The following MED14 variants were observed in gnomAD, a reference collection of about 807,000 sequenced individuals.
The protein encoded by MED14 is mediator of RNA polymerase II transcription subunit 14.
MED14 carries 8 observed loss-of-function variants against 109.0 expected under a neutral mutation model. The ratio of observed to expected loss-of-function variants is 0.07; its 90% CI spans 0.04 to 0.13. The LOEUF (loss-of-function observed/expected upper bound fraction) is 0.13, where lower values mean the gene tolerates loss of function less well. Among genes scored for constraint, MED14 ranks in the 10% least tolerant of loss-of-function variants. The pLI, the probability that MED14 is intolerant of heterozygous loss-of-function variation, is 1.00. For synonymous variants in MED14, 399 were observed against 408.7 expected, an observed-to-expected ratio of 0.98 and a Z score of 0.29; for missense variants, 711 against 1,142.4, an observed-to-expected ratio of 0.62 and a Z score of 5.44.
chrX:40,664,443 T>C lies in MED14; in HGVS notation c.3312A>G (p.Gly1104=). 1 of 1,182,302 alleles carries C rather than the reference T, an allele frequency of 8.5e-7. No homozygotes were observed. Among genetic ancestry groups the C allele is most frequent in the Non-Finnish European group, 1.1e-6 (1 of 881,161 alleles). ...GAGATCCTGGCCAGTTCCCTGCTCG[T>C]CCACTTGGTGACACCATAGTGTATG... ...SSPYTMVSPS[G]RAGNWPGSPQ... Residue 1104 remains glycine (G), a synonymous_variant, in exon 25 of 31, where the codon GGA becomes GGG. Coordinates refer to ENST00000324817, the MANE Select transcript of MED14 (RefSeq NM_004229.4).
At chrX:40,726,633 T>C in intron 3 of MED14, 113 bp downstream of exon 3, 1 of 542,079 alleles carries the variant, frequency 1.8e-6, no homozygotes, top group Non-Finnish European at 3.0e-6. Context: ...AATATGATTA[T>C]TCACATGTCA....
At chrX:40,716,936 C>T (rs921000658) in intron 3 of MED14, among the ~76,000 whole-genome samples, 1 of 111,751 alleles carries the variant, frequency 8.9e-6, no homozygotes, top group East Asian at 2.8e-4. Flanking sequence ...CACATTCTCT[C>T]TCCTATGTGG....
intron 11 of MED14, among the ~76,000 whole-genome samples, chrX:40,701,741 CA>C (rs1357486832): frequency 9.0e-6 from 1 of 111,476 alleles, no homozygotes; most frequent in Non-Finnish European, 1.9e-5. Context: ...TTTTTAATGA[CA>C]CTAGAAAATG....
intron 15 of MED14, among the ~76,000 whole-genome samples, chrX:40,688,949 A>G (rs761265902): frequency 8.9e-6 from 1 of 112,488 alleles, no homozygotes; most frequent in East Asian, 2.8e-4. Flanking sequence ...TTTAGTTTAC[A>G]ACATTTCTGA....
chrX:40,678,258 A>G (rs1451762084), intron 21 of MED14, among the ~76,000 whole-genome samples: 1 of 111,858 alleles, frequency 8.9e-6, no homozygotes, highest in Non-Finnish European at 1.9e-5. Flanking sequence ...CCTATTGAAG[A>G]GATTTCTTCA....
At chrX:40,701,977 G>T (rs1283895151) in intron 11 of MED14, among the ~76,000 whole-genome samples, 1 of 111,280 alleles carries the variant, frequency 9.0e-6, no homozygotes, top group Non-Finnish European at 1.9e-5. Flanking sequence ...CTTCATGAAG[G>T]GATCAGTAGC....
intron 12 of MED14, among the ~76,000 whole-genome samples, chrX:40,699,455 G>GA (rs1930841985): frequency 8.9e-6 from 1 of 112,036 alleles, no homozygotes; most frequent in Admixed American, 9.5e-5. Flanking sequence ...TGATAGATTA[G>GA]TGATAAACTG....
intron 21 of MED14, among the ~76,000 whole-genome samples, chrX:40,675,806 T>C (rs891712016): frequency 8.9e-6 from 1 of 112,349 alleles, no homozygotes; most frequent in East Asian, 2.8e-4. Flanking sequence ...AATTTTTTCC[T>C]TTTTTATATT....
Position 40,682,856 on chromosome X carries a change from C to T in MED14, c.2198G>A (p.Gly733Asp). 3.3e-6 allele frequency: 4 copies of T among 1,211,056 alleles called. No individual in the cohort carries two copies. Among genetic ancestry groups the T allele is most frequent in the Non-Finnish European group, 4.5e-6 (4 of 895,091 alleles). The change falls in exon 17 of 31, where the codon GGC (glycine) becomes GAC (aspartate). Residue 733 changes from glycine to aspartate, a missense_variant. Gly to Asp is a moderately conservative substitution (Grantham distance 94). This residue lies in a region of MED14 where 388 missense variants were observed against 517.3 expected (regional missense o/e 0.75). Transcript: ENST00000324817. ...CTCACCTTGCTCCCTAGTAGAAGTGCCATTAAGTGGACAATTTGCAAACAC... is the reference window on the plus strand; with the variant it reads ...CTCACCTTGCTCCCTAGTAGAAGTGTCATTAAGTGGACAATTTGCAAACAC... ...ELVFANCPLNGTSTREQGPSR... is the reference protein window; with the variant it reads ...ELVFANCPLNDTSTREQGPSR...
chrX:40,692,591 T>C (rs1037201016), intron 14 of MED14, 117 bp downstream of exon 14: 4 of 699,752 alleles, frequency 5.7e-6, no homozygotes, highest in Non-Finnish European at 8.4e-6. Context: ...TTAAGCCTTA[T>C]TGCTGCCTCG....
At chrX:40,672,743 A>G (rs1169369067) in intron 22 of MED14, among the ~76,000 whole-genome samples, 2 of 110,937 alleles carry the variant, frequency 1.8e-5, no homozygotes, top group Non-Finnish European at 3.8e-5. Context: ...ACCTACTTTT[A>G]AAACCAGATT....
chrX:40,682,014 AG>A, intron 18 of MED14, 71 bp from the exon 19 acceptor site: 1 of 510,496 alleles, frequency 2.0e-6, no homozygotes, highest in Non-Finnish European at 3.0e-6. Context: ...TTTGAGTAAC[AG>A]GGCATTTTGG....
chrX:40,666,870 TATAG>T lies in MED14; in HGVS notation c.3134-23_3134-20del, dbSNP rs1287897867. The stretch of plus-strand genomic sequence containing the variant: ...AGATTTCCTAATAAAGGAAAATAAT[TATAG>T]ATAATCTTGCAGGACACATTTTATG... On this transcript the variant is annotated intron_variant, in intron 23 of 30. Coordinates refer to ENST00000324817, the MANE Select transcript of MED14 (RefSeq NM_004229.4). 1 of 1,143,780 alleles carries T rather than the reference TATAG, an allele frequency of 8.7e-7. No homozygotes were observed. Among genetic ancestry groups the T allele is most frequent in the Non-Finnish European group, 1.2e-6 (1 of 862,184 alleles). 94.3% of individuals were successfully genotyped at this position (1,143,780 alleles called of 1,213,427 possible).
In MED14 at chrX:40,692,250, T is replaced by C. The variant is rs745831763; in HGVS notation, c.1913A>G (p.Asn638Ser). Residue 638 changes from asparagine to serine, a missense_variant, in exon 15 of 31, where the codon AAT becomes AGT. Physicochemically the swap from Asn to Ser is conservative, Grantham distance 46. Around this residue, in one of 8 missense-constraint regions of MED14, gnomAD observed 388 missense variants for 517.3 expected, o/e 0.75. Coordinates refer to ENST00000324817, the MANE Select transcript of MED14 (RefSeq NM_004229.4). ...AGCGACGAAGTGGGCTAAAACTTTA[T>C]TGAAGGCACACATTTCTCCTGCTCG... The part of the protein sequence containing the change: ...TKRAGEMCAF[N>S]KVLAHFVAMC... 13 of 1,202,420 alleles carry C rather than the reference T, an allele frequency of 1.1e-5. No individual in the cohort carries two copies. Among genetic ancestry groups the C allele is most frequent in the South Asian group, 1.8e-5 (1 of 56,733 alleles).
chrX:40,651,643 C>T lies in MED14; in HGVS notation c.*163G>A. ...GTTCATTATACAAAAGATGGATGAT[C>T]ATTTTGATGAAAGAAGTGCACCCTG... On this transcript the variant is annotated 3_prime_UTR_variant, in exon 31 of 31. Coordinates refer to ENST00000324817, the MANE Select transcript of MED14 (RefSeq NM_004229.4). 2.9e-6 allele frequency: 3 copies of T among 1,042,065 alleles called. No individual in the cohort carries two copies. Among genetic ancestry groups the T allele is most frequent in the African/African-American group, 3.9e-5 (2 of 51,573 alleles). The allele number at this position is 1,042,065 out of a possible 1,213,427, so 85.9% of individuals were successfully genotyped here. A position where few individuals can be genotyped will look rare whatever the true frequency, so the allele number is the denominator to read the frequency against.
intron 3 of MED14, among the ~76,000 whole-genome samples, chrX:40,721,596 T>G (rs1218458413): frequency 8.9e-6 from 1 of 112,898 alleles, no homozygotes; most frequent in African/African-American, 3.2e-5. Context: ...CAAACCTGAC[T>G]GGCTTCGCCA....
At chrX:40,734,984 C>T (rs1437358967) in intron 1 of MED14, among the ~76,000 whole-genome samples, 1 of 111,806 alleles carries the variant, frequency 8.9e-6, no homozygotes, top group Non-Finnish European at 1.9e-5. Context: ...TAACAACACG[C>T]AAAATTAACA....
rs1928814398 is a variant in MED14, at chrX:40,650,253, A to C, written c.*1553T>G. 8.0e-6 allele frequency: 6 copies of C among 753,155 alleles called. No individual in the cohort carries two copies. Among genetic ancestry groups the C allele is most frequent in the Non-Finnish European group, 7.8e-6 (5 of 638,113 alleles). The allele number at this position is 753,155 out of a possible 1,213,427, so 62.1% of individuals were successfully genotyped here. Reference sequence around the variant, plus strand: ...GTGGCAGAGTTGGGTGAGAAGTGGGAGATGAAGGCAGAAATAAGACAAAGA... The same window carrying C: ...GTGGCAGAGTTGGGTGAGAAGTGGGCGATGAAGGCAGAAATAAGACAAAGA... On this transcript the variant is annotated 3_prime_UTR_variant, in exon 31 of 31. Transcript: ENST00000324817.
Position 40,651,237 on chromosome X carries a change from T to C in MED14, c.*569A>G, listed in dbSNP as rs772504676. On this transcript the variant is annotated 3_prime_UTR_variant, in exon 31 of 31. Transcript: ENST00000324817. ...ATGAAGGGAGGGCCTAAGATGTCTCTAGAGTTTATATACACACAAGTGAGT... is the reference window on the plus strand; with the variant it reads ...ATGAAGGGAGGGCCTAAGATGTCTCCAGAGTTTATATACACACAAGTGAGT... 2.7e-5 allele frequency: 20 copies of C among 751,922 alleles called. No individual in the cohort carries two copies. Among genetic ancestry groups the C allele is most frequent in the Non-Finnish European group, 3.1e-5 (20 of 637,985 alleles). The allele number at this position is 751,922 out of a possible 1,213,427, so 62.0% of individuals were successfully genotyped here.
Sources: allele counts gnomAD v4.1 joint callset (sites outside exome capture counted in the v4.1 genomes callset), GRCh38; gene constraint gnomAD v4.1.1; regional missense constraint gnomAD v4.1.1; transcripts MANE v1.5; gene names NCBI Gene and HGNC (gene_info 2026-07-23, HGNC 2026-07-21).